MYRIP: variants seen among roughly 807,000 people sequenced by gnomAD.
MYRIP encodes the protein myosin VIIA and Rab interacting protein.
MYRIP carries 49 observed loss-of-function variants against 98.0 expected under a neutral mutation model. The ratio of observed to expected loss-of-function variants is 0.50; its 90% CI spans 0.40 to 0.63. The LOEUF (loss-of-function observed/expected upper bound fraction) is 0.63. Among genes scored for constraint, MYRIP ranks in the 30% least tolerant of loss-of-function variants. The pLI is 0.00. For missense variants in MYRIP, 1,004 were observed against 1,058.2 expected (o/e 0.95, Z 0.71); for synonymous variants, 404 against 409.5 (o/e 0.99, Z 0.16).
chr3:40,033,935 G>A (rs960868045), intron 2 of MYRIP, among the ~76,000 whole-genome samples: 1 of 152,026 alleles, frequency 6.6e-6, no homozygotes, highest in Non-Finnish European at 1.5e-5. Context: ...ACAACTATCT[G>A]ATCTTTGACA....
At chr3:39,975,378 C>G (rs1240110776) in intron 2 of MYRIP, among the ~76,000 whole-genome samples, 2 of 151,932 alleles carry the variant, frequency 1.3e-5, no homozygotes, top group African/African-American at 2.4e-5. Flanking sequence ...CTACAAACCA[C>G]TGCTCAAGGA....
intron 3 of MYRIP, chr3:40,100,099 G>A: frequency 1.0e-6 from 1 of 985,424 alleles, no homozygotes. Context: ...AGACTACCTG[G>A]CTTATCCTCT....
intron 3 of MYRIP, among the ~76,000 whole-genome samples, chr3:40,149,784 T>C (rs925488642): frequency 2.0e-5 from 3 of 152,198 alleles, no homozygotes; most frequent in Non-Finnish European, 2.9e-5. Context: ...TATGCTATCA[T>C]TGCCAAAATC....
At chr3:39,887,742 C>G (rs371484545) in intron 1 of MYRIP, among the ~76,000 whole-genome samples, 2 of 152,242 alleles carry the variant, frequency 1.3e-5, no homozygotes, top group Middle Eastern at 3.4e-3. Flanking sequence ...CAAATTGTCC[C>G]TGTTTGCAGA....
chr3:40,184,025 A>G (rs1388759128), intron 9 of MYRIP, among the ~76,000 whole-genome samples: 1 of 152,256 alleles, frequency 6.6e-6, no homozygotes, highest in Non-Finnish European at 1.5e-5. Context: ...CTGCAGTGCC[A>G]TGACATTGCA....
rs1476349306 is a variant in MYRIP at position 40,250,435 on chromosome 3, G to A, written c.2368-4G>A. On this transcript the variant is annotated splice_region_variant and splice_polypyrimidine_tract_variant and intron_variant, in intron 14 of 16. Transcript: ENST00000302541. ...GTATATTGCTCATTGTGTTCTGTTT[G>A]TAGGTACAAACCATAGATACATCAA... is the stretch of plus-strand genomic sequence containing the variant. 2 of 1,614,170 alleles carry A rather than the reference G, an allele frequency of 1.2e-6. No homozygotes were observed. The highest frequency in any genetic ancestry group is 2.2e-5 in the East Asian group (1 of 44,886).
At chr3:40,167,313 G>GGTGAAAC in intron 7 of MYRIP, 74 bp downstream of exon 7, 1 of 1,324,088 alleles carries the variant, frequency 7.6e-7, no homozygotes, top group Non-Finnish European at 1.1e-6. Flanking sequence ...GCAAGTAGCA[G>GGTGAAAC]GTGAAACATG....
At chr3:39,874,718 T>G (rs1469112861) in intron 1 of MYRIP, among the ~76,000 whole-genome samples, 1 of 152,226 alleles carries the variant, frequency 6.6e-6, no homozygotes, top group Non-Finnish European at 1.5e-5. Context: ...ATAAGCTTTT[T>G]GATGTGCTGC....
intron 1 of MYRIP, among the ~76,000 whole-genome samples, chr3:39,827,205 T>C (rs1349311267): frequency 6.6e-6 from 1 of 152,180 alleles, no homozygotes; most frequent in African/African-American, 2.4e-5. Flanking sequence ...CTCAAACTCC[T>C]GAACTCAAAT....
At chr3:40,085,301 T>A (rs909440986) in intron 3 of MYRIP, among the ~76,000 whole-genome samples, 36 of 152,204 alleles carry the variant, frequency 2.4e-4, no homozygotes, top group South Asian at 6.2e-4. Context: ...CGTTTTCTTT[T>A]TTTGAGATGG....
intron 3 of MYRIP, among the ~76,000 whole-genome samples, chr3:40,134,966 A>G (rs1229202696): frequency 3.3e-5 from 5 of 152,194 alleles, no homozygotes; most frequent in Non-Finnish European, 7.3e-5. Context: ...AACTCTAAAA[A>G]TCAGAGCACC....
At chr3:40,168,614 A>G (rs903845240) in intron 7 of MYRIP, among the ~76,000 whole-genome samples, 8 of 152,234 alleles carry the variant, frequency 5.3e-5, no homozygotes, top group African/African-American at 1.9e-4. Flanking sequence ...ACTTCAAGCT[A>G]TGGGTTGGGA....
At chr3:40,255,411 T>A (rs1953547039) in intron 16 of MYRIP, among the ~76,000 whole-genome samples, 1 of 152,224 alleles carries the variant, frequency 6.6e-6, no homozygotes, top group Non-Finnish European at 1.5e-5. Context: ...CACCAAATTG[T>A]TCACTTTAGA....
chr3:40,041,794 CTCT>C (rs1346200025), intron 2 of MYRIP, among the ~76,000 whole-genome samples: 3 of 124,134 alleles, frequency 2.4e-5, no homozygotes, highest in African/African-American at 3.1e-5. Flanking sequence ...TAAAGTAATT[CTCT>C]TCTTCTCTTA....
intron 1 of MYRIP, among the ~76,000 whole-genome samples, chr3:39,865,831 A>G (rs1393507251): frequency 6.6e-6 from 1 of 152,228 alleles, no homozygotes; most frequent in Non-Finnish European, 1.5e-5. Flanking sequence ...TATATACCCA[A>G]TGGAATATAA....
chr3:39,846,612 CA>C (rs1452530951), intron 1 of MYRIP, among the ~76,000 whole-genome samples: 2 of 152,156 alleles, frequency 1.3e-5, no homozygotes, highest in African/African-American at 4.8e-5. Context: ...TATAGCAAAA[CA>C]AAAACTGTGT....
intron 10 of MYRIP, among the ~76,000 whole-genome samples, chr3:40,202,584 C>T (rs1951599237): frequency 6.6e-6 from 1 of 152,058 alleles, no homozygotes; most frequent in South Asian, 2.1e-4. Context: ...TGGGTTCTCC[C>T]CCTGCTTTGT....
chr3:40,249,410 A>T (rs1953304659), intron 13 of MYRIP, among the ~76,000 whole-genome samples: 1 of 152,148 alleles, frequency 6.6e-6, no homozygotes, highest in African/African-American at 2.4e-5. Flanking sequence ...ATTGGCTGTG[A>T]GATGATGGGT....
At chr3:40,218,602 T>C (rs62261835) in intron 11 of MYRIP, among the ~76,000 whole-genome samples, 113,717 of 126,302 alleles carry the variant, frequency 0.9, 50,861 homozygotes, top group Non-Finnish European at 0.94. Context: ...CACACACATA[T>C]ATATATATTT....
Sources: allele counts gnomAD v4.1 joint callset (sites outside exome capture counted in the v4.1 genomes callset), GRCh38; gene constraint gnomAD v4.1.1; transcripts MANE v1.5; gene names NCBI Gene and HGNC (gene_info 2026-07-23, HGNC 2026-07-21).